The following JAKMIP1 variants were observed in gnomAD, a reference collection of about 807,000 sequenced individuals.
JAKMIP1 encodes janus kinase and microtubule-interacting protein 1.
A neutral mutation model predicts 113.0 loss-of-function variants in JAKMIP1; 33 were observed. The ratio of observed to expected loss-of-function variants is 0.29; its 90% CI spans 0.22 to 0.39. JAKMIP1 has a LOEUF of 0.39. Among genes scored for constraint, JAKMIP1 ranks in the 10% least tolerant of loss-of-function variants. JAKMIP1 has a pLI of 1.00. For missense variants in JAKMIP1, 813 were observed against 1,080.5 expected, an observed-to-expected ratio of 0.75 and a Z score of 3.47; for synonymous variants, 480 against 459.9, an observed-to-expected ratio of 1.04 and a Z score of -0.56.
At chr4:6,029,682 A>C in intron 20 of JAKMIP1, 34 bp downstream of exon 20, 1 of 1,462,412 alleles carries the variant, frequency 6.8e-7, no homozygotes, top group Non-Finnish European at 9.5e-7. Flanking sequence ...TCATGGAAAG[A>C]AACCTGGGGA....
intron 1 of JAKMIP1, among the ~76,000 whole-genome samples, chr4:6,171,798 G>T (rs1299954642): frequency 1.3e-5 from 2 of 152,174 alleles, no homozygotes; most frequent in Non-Finnish European, 2.9e-5. Context: ...AGGCTCGTTC[G>T]TTGGCTGAAT....
intron 1 of JAKMIP1, among the ~76,000 whole-genome samples, chr4:6,133,099 G>A (rs1718743109): frequency 6.6e-6 from 1 of 151,842 alleles, no homozygotes; most frequent in African/African-American, 2.4e-5. Context: ...TGATACTCAA[G>A]GAGCTCATAA....
intron 1 of JAKMIP1, among the ~76,000 whole-genome samples, chr4:6,190,429 C>T (rs1000412592): frequency 6.6e-6 from 1 of 151,860 alleles, no homozygotes; most frequent in African/African-American, 2.4e-5. Flanking sequence ...TAGACTTGCT[C>T]ATCCTACACT....
In JAKMIP1 at chr4:6,029,725, C is replaced by T. The variant is rs752154686; in HGVS notation, c.2436G>A (p.Leu812=). 1.9e-5 allele frequency: 30 copies of T among 1,601,018 alleles called. No individual in the cohort carries two copies. In the Admixed American group the frequency reaches 5.0e-4, roughly 26 times the overall value. Residue 812 remains leucine (L), a synonymous_variant, in exon 20 of 21, where the codon CTG becomes CTA. Transcript: ENST00000409021. ...AGCTGCAGTCACCTACCTTTTCCTC[C>T]AGTTCTTTCAGGTGCCGCTTCTGAA... ...LEFQKRHLKE[L]EEKFLFLFLF... is the part of the protein sequence containing the mutation.
chr4:6,120,034 G>T (rs1050019585), intron 1 of JAKMIP1, among the ~76,000 whole-genome samples: 7 of 152,178 alleles, frequency 4.6e-5, no homozygotes, highest in African/African-American at 1.7e-4. Flanking sequence ...TCACCAAGAA[G>T]TCTTTGTAAC....
In JAKMIP1 at chr4:6,140,386, G is replaced by A. The variant is rs1204476149; in HGVS notation, c.-147-27389C>T. Among the ~76,000 whole-genome samples, 1 of 151,966 alleles carries A rather than the reference G, an allele frequency of 6.6e-6. No homozygotes were observed. Among genetic ancestry groups the A allele is most frequent in the Non-Finnish European group, 1.5e-5 (1 of 68,016 alleles). On this transcript the variant is annotated intron_variant, in intron 1 of 20. Coordinates refer to ENST00000409021, the MANE Select transcript of JAKMIP1 (RefSeq NM_001099433.2). The surrounding 1 kb of genome is among the most constrained non-coding windows in gnomAD (Gnocchi z 9.4). The stretch of plus-strand genomic sequence containing the variant: ...CCACGTGGCGAGGCTGGCTCAGCAG[G>A]AGCACTGTCCCTGTTCCCCCAAAAG...
At chr4:6,109,340 A>G (rs772366074) in intron 2 of JAKMIP1, among the ~76,000 whole-genome samples, 13 of 151,642 alleles carry the variant, frequency 8.6e-5, no homozygotes, top group Admixed American at 3.3e-4. Context: ...TCACTGTGTT[A>G]GCCAGGATGG....
intron 1 of JAKMIP1, among the ~76,000 whole-genome samples, chr4:6,170,740 GCCA>G (rs1392606138): frequency 8.4e-5 from 5 of 59,872 alleles, no homozygotes; most frequent in Non-Finnish European, 1.2e-4. Flanking sequence ...CACCACCCTT[GCCA>G]CCACAATCAC....
rs932154079 is a variant in JAKMIP1, at chr4:6,050,279, T to C, written c.1908+299A>G. On this transcript the variant is annotated intron_variant, in intron 14 of 20. Coordinates refer to ENST00000409021, the MANE Select transcript of JAKMIP1 (RefSeq NM_001099433.2). The surrounding 1 kb of genome is among the most constrained non-coding windows in gnomAD (Gnocchi z 7.4). Reference sequence around the variant, plus strand: ...CATCACCCCAGCTTCACGGTGTGGGTATTGTCATTTGGATTTCATAGCGAA... The same window carrying C: ...CATCACCCCAGCTTCACGGTGTGGGCATTGTCATTTGGATTTCATAGCGAA... Among the ~76,000 whole-genome samples the C allele has an allele frequency of 3.3e-5, 5 of 152,170 alleles. No homozygotes were observed. The highest frequency in any genetic ancestry group is 6.5e-5 in the Admixed American group (1 of 15,282).
chr4:6,175,196 G>GC (rs1725195530), intron 1 of JAKMIP1, among the ~76,000 whole-genome samples: 2 of 152,098 alleles, frequency 1.3e-5, no homozygotes, highest in African/African-American at 4.8e-5. Flanking sequence ...CACTCTCTGG[G>GC]CCCGCTGAGG....
rs1728238656 is a variant in JAKMIP1, at chr4:6,199,721, CT to C, written c.-148+531del. Among the ~76,000 whole-genome samples the C allele has an allele frequency of 6.6e-6, 1 of 151,446 alleles. No individual in the cohort carries two copies. Among genetic ancestry groups the C allele is most frequent in the Non-Finnish European group, 1.5e-5 (1 of 67,802 alleles). On this transcript the variant is annotated intron_variant, in intron 1 of 20. Transcript: ENST00000409021. This position sits in a 1 kb window ranked among gnomAD's most constrained non-coding sequence, Gnocchi z 5.6. The stretch of plus-strand genomic sequence containing the variant: ...TGGGGTGCGGGCTGGGCGGCCTCGC[CT>C]TCGGGCCCCGCGCCGCCGGGGCGCG...
In JAKMIP1 at chr4:6,192,019, G is replaced by A. The variant is rs536287755; in HGVS notation, c.-148+8234C>T. Among the ~76,000 whole-genome samples the A allele has an allele frequency of 4.6e-5, 7 of 151,696 alleles. No individual in the cohort carries two copies. Among genetic ancestry groups the A allele is most frequent in the African/African-American group, 1.7e-4 (7 of 41,264 alleles). On this transcript the variant is annotated intron_variant, in intron 1 of 20. Transcript: ENST00000409021. The surrounding 1 kb of genome is among the most constrained non-coding windows in gnomAD (Gnocchi z 5.0). Reference sequence around the variant, plus strand: ...CCAATCTTGGCTCATTACAACCTCCGCCTCCCGGGTTTGAGCTATTCTCCT... The same window carrying A: ...CCAATCTTGGCTCATTACAACCTCCACCTCCCGGGTTTGAGCTATTCTCCT...
intron 16 of JAKMIP1, among the ~76,000 whole-genome samples, chr4:6,043,161 C>A (rs910399919): frequency 2.6e-5 from 4 of 152,026 alleles, no homozygotes; most frequent in Admixed American, 6.5e-5. Flanking sequence ...GTCGGATGGC[C>A]TCCCACTGCC....
chr4:6,117,059 CT>C (rs1715896149), intron 1 of JAKMIP1, among the ~76,000 whole-genome samples: 1 of 152,226 alleles, frequency 6.6e-6, no homozygotes, highest in African/African-American at 2.4e-5. Flanking sequence ...GAGCCAGGCC[CT>C]CTGAGTGTAG....
chr4:6,105,233 T>C (rs1260913420), intron 3 of JAKMIP1, among the ~76,000 whole-genome samples: 1 of 152,244 alleles, frequency 6.6e-6, no homozygotes, highest in Non-Finnish European at 1.5e-5. Flanking sequence ...ACGAGGCATT[T>C]GCAACAACCC....
intron 11 of JAKMIP1, 123 bp from the exon 12 acceptor site, chr4:6,056,882 G>T: frequency 1.4e-6 from 1 of 728,962 alleles, no homozygotes. Flanking sequence ...AAAAATGACA[G>T]CCGTGATGTG....
At chr4:6,056,457 A>C (rs953643978) in intron 12 of JAKMIP1, among the ~76,000 whole-genome samples, 6 of 152,150 alleles carry the variant, frequency 3.9e-5, no homozygotes, top group Non-Finnish European at 7.4e-5. Flanking sequence ...ATTTCTGTGG[A>C]GTACCCAAGG....
At chr4:6,170,251 C>A (rs1465339773) in intron 1 of JAKMIP1, among the ~76,000 whole-genome samples, 3 of 148,936 alleles carry the variant, frequency 2.0e-5, no homozygotes, top group Non-Finnish European at 3.0e-5. Flanking sequence ...CCACTCCCCC[C>A]ACCCTTCTCA....
intron 1 of JAKMIP1, among the ~76,000 whole-genome samples, chr4:6,161,250 C>T (rs1190244056): frequency 6.8e-6 from 1 of 146,508 alleles, no homozygotes; most frequent in African/African-American, 2.7e-5. Context: ...CTCCCCTGAC[C>T]TCCACTCACC....
Sources: allele counts gnomAD v4.1 joint callset (sites outside exome capture counted in the v4.1 genomes callset), GRCh38; gene constraint gnomAD v4.1.1; non-coding constraint Gnocchi (gnomAD v3.1); transcripts MANE v1.5; gene names NCBI Gene and HGNC (gene_info 2026-07-23, HGNC 2026-07-21).